Variants in MBD5 observed in about 807,000 individuals in gnomAD.
MBD5 encodes methyl-CpG-binding domain protein 5.
In MBD5, 13 loss-of-function variants were observed where a neutral mutation model predicts 117.3. The observed-to-expected ratio is 0.11, with a 90% CI of 0.07 to 0.18. The LOEUF is 0.18. Among genes scored for constraint, MBD5 ranks in the 10% least tolerant of loss-of-function variants. The pLI, the probability that MBD5 is intolerant of heterozygous loss-of-function variation, is 1.00. For synonymous variants in MBD5, 727 were observed against 766.4 expected (o/e 0.95, Z 0.85); for missense variants, 1,879 against 2,093.8 (o/e 0.90, Z 2.00).
intron 4 of MBD5, among the ~76,000 whole-genome samples, chr2:148,424,182 A>AC (rs1241820334): frequency 7.5e-4 from 55 of 72,904 alleles, no homozygotes; most frequent in Non-Finnish European, 1.2e-3. Flanking sequence ...TGTCTCAAAA[A>AC]AAAAAAAAAA....
At chr2:148,344,387 A>C (rs12105632) in intron 4 of MBD5, among the ~76,000 whole-genome samples, 14,935 of 151,998 alleles carry the variant, frequency 0.098, 936 homozygotes, top group African/African-American at 0.16. Context: ...ATAGCGTTTA[A>C]TCTGTAGATT....
At chr2:148,073,283 C>T (rs1382273104) in intron 1 of MBD5, among the ~76,000 whole-genome samples, 2 of 152,036 alleles carry the variant, frequency 1.3e-5, no homozygotes. Flanking sequence ...TAGGGGGTAG[C>T]AGGTATAGGC....
At chr2:148,356,015 C>G (rs905915612) in intron 4 of MBD5, among the ~76,000 whole-genome samples, 2 of 152,080 alleles carry the variant, frequency 1.3e-5, no homozygotes, top group African/African-American at 4.8e-5. Flanking sequence ...GTTTGTAGTT[C>G]TACTTGAAGA....
At chr2:148,425,799 C>T (rs1003600596) in intron 4 of MBD5, among the ~76,000 whole-genome samples, 1 of 152,152 alleles carries the variant, frequency 6.6e-6, no homozygotes, top group African/African-American at 2.4e-5. Context: ...GTGATTATCT[C>T]AATAGATGCA....
intron 4 of MBD5, among the ~76,000 whole-genome samples, chr2:148,357,406 C>T (rs2105278790): frequency 6.6e-6 from 1 of 151,694 alleles, no homozygotes; most frequent in South Asian, 2.1e-4. Flanking sequence ...TTCAGACATT[C>T]ATTTTTGTCC....
At position 148,441,104 on chromosome 2, in the gene MBD5, A is replaced by AT. The variant is rs201043390; in HGVS notation, c.-556-17090dup. On this transcript the variant is annotated intron_variant, in intron 4 of 13. Coordinates refer to ENST00000642680, the MANE Select transcript of MBD5 (RefSeq NM_001378120.1). ...AGCTCTATTCCTAAGTGTTATTTTA[A>AT]TTTTTTTTTATTTATTATACTTTAA... Among the ~76,000 whole-genome samples the AT allele has an allele frequency of 5.3e-5, 8 of 151,394 alleles. No homozygotes were observed. The South Asian group carries it at 6.3e-4, about 12-fold the overall frequency.
At chr2:148,169,571 A>G (rs894573438) in intron 1 of MBD5, among the ~76,000 whole-genome samples, 4 of 152,206 alleles carry the variant, frequency 2.6e-5, no homozygotes, top group African/African-American at 9.6e-5. Flanking sequence ...TTGCTTATTT[A>G]TTCCAGCTGG....
chr2:148,337,287 TTTACATAAAGAA>T (rs1702823145), intron 3 of MBD5, among the ~76,000 whole-genome samples: 3 of 152,138 alleles, frequency 2.0e-5, no homozygotes, highest in Admixed American at 2.0e-4. Flanking sequence ...GTGGTATGTT[TTTACATAAAGAA>T]TATGGCCATA....
chr2:148,325,523 G>C (rs1391611455), intron 3 of MBD5, among the ~76,000 whole-genome samples: 1 of 152,108 alleles, frequency 6.6e-6, no homozygotes, highest in Non-Finnish European at 1.5e-5. Flanking sequence ...TCCTGTTATT[G>C]GTCTATTCAG....
intron 4 of MBD5, among the ~76,000 whole-genome samples, chr2:148,418,256 G>T (rs1705485676): frequency 6.6e-6 from 1 of 152,104 alleles, no homozygotes; most frequent in African/African-American, 2.4e-5. Context: ...TGTTTACTCT[G>T]ATGATTATTT....
At chr2:148,464,043 T>C in intron 7 of MBD5, 124 bp downstream of exon 7, 1 of 966,820 alleles carries the variant, frequency 1.0e-6, no homozygotes, top group Non-Finnish European at 1.5e-6. Flanking sequence ...TAAAATTCTG[T>C]ATGTCCTGTA....
At chr2:148,484,717 G>T (rs915921431) in intron 9 of MBD5, among the ~76,000 whole-genome samples, 9 of 152,066 alleles carry the variant, frequency 5.9e-5, no homozygotes, top group South Asian at 4.1e-4. Context: ...TTAATTTTTT[G>T]ACTTTTGTGG....
rs149497942 is a variant in MBD5, at chr2:148,189,334, C to G, written c.-831+10541C>G. Among the ~76,000 whole-genome samples, 980 of 151,424 alleles carry G rather than the reference C, an allele frequency of 6.5e-3. 28 individuals are homozygous for G. The highest frequency in any genetic ancestry group is 0.022 in the African/African-American group (913 of 40,776). On this transcript the variant is annotated intron_variant, in intron 2 of 13. Transcript: ENST00000642680. ...CAGACAAACAAAAAGACAGCAGTAA[C>G]CTCTGAGACTTAAGTGTCCCTGTCT... is the stretch of plus-strand genomic sequence containing the variant.
chr2:148,470,249 T>A lies in MBD5; in HGVS notation c.2306T>A (p.Val769Asp). 1 of 1,613,986 alleles carries A rather than the reference T, an allele frequency of 6.2e-7. No homozygotes were observed. Residue 769 changes from valine (V) to aspartate (D), a missense_variant, in exon 8 of 14, where the codon GTT (valine) becomes GAT (aspartate). Transcript: ENST00000642680. ...TGCCACAATGCAAACACTAACTTTG[T>A]TCACAGTAACAGTCCAGTCCCCAAC... ...VHCHNANTNF[V>D]HSNSPVPNHH...
At chr2:148,296,864 ATTTTTT>A (rs757371602) in intron 3 of MBD5, among the ~76,000 whole-genome samples, 2 of 61,310 alleles carry the variant, frequency 3.3e-5, no homozygotes, top group Admixed American at 2.7e-4. Context: ...TAGTTCTTCA[ATTTTTT>A]TTTTTTTTTT....
chr2:148,288,183 G>T (rs1161423003), intron 3 of MBD5, among the ~76,000 whole-genome samples: 1 of 147,362 alleles, frequency 6.8e-6, no homozygotes, highest in African/African-American at 2.5e-5. Context: ...GGCGGATCAC[G>T]AGGTCAGGAG....
intron 1 of MBD5, among the ~76,000 whole-genome samples, chr2:148,133,800 G>T (rs1198053222): frequency 6.6e-6 from 1 of 151,950 alleles, no homozygotes; most frequent in South Asian, 2.1e-4. Flanking sequence ...TCCAGCCTGG[G>T]CAACAAGAGC....
intron 4 of MBD5, among the ~76,000 whole-genome samples, chr2:148,359,186 G>A (rs1424814367): frequency 2.6e-5 from 4 of 151,004 alleles, no homozygotes; most frequent in Non-Finnish European, 1.5e-5. Context: ...AGAATCACTT[G>A]AACTTGGGAG....
chr2:148,439,535 C>T (rs1251420924), intron 4 of MBD5, among the ~76,000 whole-genome samples: 1 of 152,064 alleles, frequency 6.6e-6, no homozygotes, highest in African/African-American at 2.4e-5. Flanking sequence ...ATTCTATACT[C>T]CTCATTCAAG....
Sources: allele counts gnomAD v4.1 joint callset (sites outside exome capture counted in the v4.1 genomes callset), GRCh38; gene constraint gnomAD v4.1.1; transcripts MANE v1.5; gene names NCBI Gene and HGNC (gene_info 2026-07-23, HGNC 2026-07-21).